MOK: variants seen among roughly 807,000 people sequenced by gnomAD.
MOK encodes MAPK/MAK/MRK overlapping kinase.
In MOK, 59 loss-of-function variants were observed where a neutral mutation model predicts 54.2. That is an observed-to-expected ratio of 1.09 (90% CI 0.88 to 1.35). MOK has a LOEUF of 1.35. MOK is among the 40% of genes most tolerant of loss of function. MOK has a pLI of 0.00. For synonymous variants in MOK, 210 were observed against 202.7 expected, an observed-to-expected ratio of 1.04 and a Z score of -0.31; for missense variants, 517 against 526.2, an observed-to-expected ratio of 0.98 and a Z score of 0.17.
chr14:102,301,856 T>G (rs2072237330), intron 1 of MOK, among the ~76,000 whole-genome samples: 1 of 152,178 alleles, frequency 6.6e-6, no homozygotes, highest in Admixed American at 6.5e-5. Flanking sequence ...AAACAAAAGT[T>G]TACAAGAAGT....
At chr14:102,217,225 G>C in the MOK span, among the ~76,000 whole-genome samples, 15,191 of 152,220 alleles carry the variant, frequency 0.1, 1,511 homozygotes, top group African/African-American at 0.26. Flanking sequence ...TCCCAGGAGC[G>C]GGAGGGCCTC....
downstream of MOK, chr14:102,222,866 G>A: frequency 1.9e-6 from 3 of 1,614,214 alleles, no homozygotes; most frequent in Non-Finnish European, 2.5e-6. This position sits in a 1 kb window ranked among gnomAD's most constrained non-coding sequence, Gnocchi z 4.4. Flanking sequence ...CAGTTCTCCA[G>A]GTGGAACTGT....
Position 102,238,941 on chromosome 14 carries a change from C to T in MOK, c.591-5152G>A, listed in dbSNP as rs1488400674. On this transcript the variant is annotated intron_variant, in intron 7 of 11. Coordinates refer to ENST00000361847, the MANE Select transcript of MOK (RefSeq NM_014226.3). This position sits in a 1 kb window ranked among gnomAD's most constrained non-coding sequence, Gnocchi z 4.8. ...GGGGAAGACTGGCAAATAGACTTCA[C>T]CCACATGCCTCCCGTCAAAAACACA... is the stretch of plus-strand genomic sequence containing the variant. Among the ~76,000 whole-genome samples, 1 of 152,188 alleles carries T rather than the reference C, an allele frequency of 6.6e-6. No homozygotes were observed. The highest frequency in any genetic ancestry group is 2.4e-5 in the African/African-American group (1 of 41,440).
At chr14:102,286,896 T>C (rs2070166534) in intron 1 of MOK, among the ~76,000 whole-genome samples, 1 of 148,590 alleles carries the variant, frequency 6.7e-6, no homozygotes, top group South Asian at 2.1e-4. Flanking sequence ...GGCAACAAAG[T>C]GAGACTCCGT....
chr14:102,289,156 T>C (rs1001211975), intron 1 of MOK, among the ~76,000 whole-genome samples: 9 of 152,134 alleles, frequency 5.9e-5, no homozygotes, highest in African/African-American at 1.9e-4. Context: ...CCGCCCGTCT[T>C]GGCCTCCCAA....
the MOK span, chr14:102,215,014 A>G: frequency 1.9e-5 from 19 of 981,448 alleles, no homozygotes; most frequent in Non-Finnish European, 2.2e-5. Context: ...AATGTAGATA[A>G]TTTTCAGTAG....
At chr14:102,223,924 T>TACA (rs1407966883), downstream of MOK, among the ~76,000 whole-genome samples, 2 of 152,116 alleles carry the variant, frequency 1.3e-5, no homozygotes, top group African/African-American at 4.8e-5. Context: ...CACGTTTCCA[T>TACA]ACAACTCCGA....
In MOK at chr14:102,290,354, C is replaced by T. The variant is rs557401534; in HGVS notation, c.8-6762G>A. Among the ~76,000 whole-genome samples, 4 of 151,806 alleles carry T rather than the reference C, an allele frequency of 2.6e-5. No individual in the cohort carries two copies. The East Asian group carries it at 5.8e-4, about 22-fold the overall frequency. On this transcript the variant is annotated intron_variant, in intron 1 of 11. Coordinates refer to ENST00000361847, the MANE Select transcript of MOK (RefSeq NM_014226.3). ...CTCAGGAAGGCTGAGGCAGGCGAAT[C>T]GCTTGAACCCAAGAGGAGGAGGTTG...
At chr14:102,216,499 A>G in the MOK span, among the ~76,000 whole-genome samples, 15 of 152,190 alleles carry the variant, frequency 9.9e-5, no homozygotes, top group Admixed American at 5.2e-4. Flanking sequence ...GGGTCTTGCC[A>G]TGTTGCCCAG....
intron 1 of MOK, among the ~76,000 whole-genome samples, chr14:102,289,206 A>T (rs541148878): frequency 1.3e-5 from 2 of 151,950 alleles, no homozygotes; most frequent in African/African-American, 4.8e-5. Flanking sequence ...CGCTTGGCCA[A>T]TTTGTGCAGT....
chr14:102,261,118 G>A (rs889637627), intron 4 of MOK, among the ~76,000 whole-genome samples: 14 of 151,440 alleles, frequency 9.2e-5, no homozygotes, highest in African/African-American at 2.4e-4. Context: ...ATAGCTGGGC[G>A]TGGTGGCATG....
At chr14:102,266,372 A>G (rs1304938519) in intron 2 of MOK, among the ~76,000 whole-genome samples, 3 of 144,082 alleles carry the variant, frequency 2.1e-5, no homozygotes, top group Non-Finnish European at 3.0e-5. Context: ...TGGTGCAATC[A>G]TGTCTCACTG....
At position 102,229,247 on chromosome 14, in the gene MOK, G is replaced by A; in HGVS notation, c.*42C>T. On this transcript the variant is annotated 3_prime_UTR_variant, in exon 12 of 12. Transcript: ENST00000361847. ...GATCACCCAGGCCTGGCCCGGTCGG[G>A]CTTGGTGTTGCCTCCGAAGTCGAGA... 2 of 1,545,986 alleles carry A rather than the reference G, an allele frequency of 1.3e-6. No individual in the cohort carries two copies. The highest frequency in any genetic ancestry group is 1.2e-5 in the South Asian group (1 of 80,640).
intron 2 of MOK, among the ~76,000 whole-genome samples, chr14:102,268,914 C>CA (rs10700014): frequency 0.13 from 15,415 of 116,716 alleles, 1,075 homozygotes; most frequent in African/African-American, 0.22. Context: ...GACTCCGTCT[C>CA]AAAAAAAAAA....
chr14:102,243,626 T>C (rs2065880776), intron 7 of MOK, among the ~76,000 whole-genome samples: 1 of 152,206 alleles, frequency 6.6e-6, no homozygotes, highest in African/African-American at 2.4e-5. Flanking sequence ...CCTTCAGCTG[T>C]ACTCACTCTT....
Position 102,234,443 on chromosome 14 carries a change from C to T in MOK, c.591-654G>A, listed in dbSNP as rs537991617. 7.8e-4 allele frequency among the ~76,000 whole-genome samples: 118 copies of T among 152,246 alleles called. 2 individuals are homozygous for T. Among genetic ancestry groups the T allele is most frequent in the Middle Eastern group, 3.4e-3 (1 of 294 alleles). ...CTCTTGACCGTCCATCTCCCATTTC[C>T]GAAAGACCCAGCGCTGGGCCAAGGG... On this transcript the variant is annotated intron_variant, in intron 7 of 11. Coordinates refer to ENST00000361847, the MANE Select transcript of MOK (RefSeq NM_014226.3).
At chr14:102,234,224 A>C in intron 7 of MOK, 2 of 168,660 alleles carry the variant, frequency 1.2e-5, no homozygotes, top group Admixed American at 5.7e-5. Flanking sequence ...CTCGCTCACT[A>C]TCAATCTCTC....
chr14:102,219,033 G>A, the MOK span, among the ~76,000 whole-genome samples: 2 of 152,334 alleles, frequency 1.3e-5, no homozygotes, highest in Admixed American at 1.3e-4. Context: ...GATTGGGGCA[G>A]CAGGGTCCCT....
chr14:102,284,762 T>C (rs1446972556), intron 1 of MOK, among the ~76,000 whole-genome samples: 1 of 152,150 alleles, frequency 6.6e-6, no homozygotes, highest in African/African-American at 2.4e-5. Flanking sequence ...CAGAGGCATA[T>C]GAGCGAGGCC....
Sources: gnomAD v4.1 joint callset for allele counts (sites outside exome capture counted in the v4.1 genomes callset) on GRCh38, gnomAD v4.1.1 for gene constraint, Gnocchi (gnomAD v3.1) non-coding constraint, MANE v1.5 for transcripts, NCBI Gene and HGNC (gene_info 2026-07-23, HGNC 2026-07-21) for gene names.